The following DGKI variants were observed in gnomAD, a reference collection of about 807,000 sequenced individuals.
DGKI encodes the protein DAG kinase iota.
In DGKI, 55 loss-of-function variants were observed where a neutral mutation model predicts 147.5. The ratio of observed to expected loss-of-function variants is 0.37; its 90% confidence interval spans 0.30 to 0.47. The LOEUF (loss-of-function observed/expected upper bound fraction) is 0.47. Among genes scored for constraint, DGKI ranks in the 20% least tolerant of loss-of-function variants. The pLI is 1.00. For synonymous variants in DGKI, 469 were observed against 477.1 expected (o/e 0.98, Z 0.22); for missense variants, 1,007 against 1,323.8 (o/e 0.76, Z 3.71).
Position 137,846,161 on chromosome 7 carries a change from T to TCTCTCTCTCTCTCTCTCTCTCTCA in DGKI, c.401+300_401+301insTGAGAGAGAGAGAGAGAGAGAGAG, listed in dbSNP as rs781580130. On this transcript the variant is annotated intron_variant, in intron 1 of 32. Coordinates refer to ENST00000614521, the MANE Select transcript of DGKI (RefSeq NM_001321708.2). The surrounding 1 kb of genome is among the most constrained non-coding windows in gnomAD (Gnocchi z 4.0). ...CTCTCTCTCTCTCTCTCTCTCTCTC[T>TCTCTCTCTCTCTCTCTCTCTCTCA]CACACACACACACACACACACACAC... 9.2e-6 allele frequency among the ~76,000 whole-genome samples: 1 copy of TCTCTCTCTCTCTCTCTCTCTCTCA among 108,182 alleles called. No homozygotes were observed. The highest frequency in any genetic ancestry group is 3.9e-5 in the African/African-American group (1 of 25,930). The allele number at this position is 108,182 out of a possible 152,430, so 71.0% of individuals were successfully genotyped here.
At position 137,746,273 on chromosome 7, in the gene DGKI, T is replaced by C. The variant is rs548554215; in HGVS notation, c.402-56271A>G. Reference sequence around the variant, plus strand: ...TGCTTTTGGGTGATGGAGCTGGACCTAGAATATCAAGAGAGAGGTAAAGCC... The same window carrying C: ...TGCTTTTGGGTGATGGAGCTGGACCCAGAATATCAAGAGAGAGGTAAAGCC... On this transcript the variant is annotated intron_variant, in intron 1 of 32. Transcript: ENST00000614521. 3.3e-5 allele frequency among the ~76,000 whole-genome samples: 5 copies of C among 152,336 alleles called. No homozygotes were observed. In the South Asian group the frequency reaches 6.2e-4, roughly 19 times the overall value.
At chr7:137,663,629 G>A (rs1744792078) in intron 3 of DGKI, among the ~76,000 whole-genome samples, 1 of 152,110 alleles carries the variant, frequency 6.6e-6, no homozygotes, top group African/African-American at 2.4e-5. Context: ...GTGTGTCTGG[G>A]GGTTGCTGGC....
rs189119924 is a variant in DGKI at position 137,430,841 on chromosome 7, G to A, written c.2761+13236C>T. The stretch of plus-strand genomic sequence containing the variant: ...GGGACCTCTAAAATAGGGTCAGGGA[G>A]GAGTGTGTCAGGAATAGCGGGAAAA... On this transcript the variant is annotated intron_variant, in intron 28 of 32. Transcript: ENST00000614521. Among the ~76,000 whole-genome samples the A allele has an allele frequency of 4.6e-5, 7 of 152,172 alleles. No individual in the cohort carries two copies. The East Asian group carries it at 9.7e-4, about 21-fold the overall frequency.
intron 20 of DGKI, among the ~76,000 whole-genome samples, chr7:137,540,759 CCCCAAAA>C (rs1817664812): frequency 3.1e-5 from 2 of 63,718 alleles, no homozygotes; most frequent in South Asian, 1.3e-3. Context: ...TTAAAAACCC[CCCCAAAA>C]AAAAAAAAAA....
At chr7:137,669,366 T>C (rs1346334694) in intron 3 of DGKI, among the ~76,000 whole-genome samples, 3 of 152,162 alleles carry the variant, frequency 2.0e-5, no homozygotes, top group Admixed American at 1.3e-4. Context: ...TCCATCAAGA[T>C]TGAGTGCCTC....
intron 28 of DGKI, among the ~76,000 whole-genome samples, chr7:137,429,196 A>T (rs1442164880): frequency 6.6e-6 from 1 of 152,088 alleles, no homozygotes; most frequent in African/African-American, 2.4e-5. Flanking sequence ...TACTGGTACC[A>T]AAACAGAGAT....
intron 1 of DGKI, among the ~76,000 whole-genome samples, chr7:137,756,014 A>G (rs1447721517): frequency 6.6e-6 from 1 of 152,218 alleles, no homozygotes; most frequent in African/African-American, 2.4e-5. Flanking sequence ...CCAGACATTC[A>G]ACAAACACGT....
At chr7:137,725,602 T>TA (rs34222832) in intron 1 of DGKI, among the ~76,000 whole-genome samples, 69,863 of 147,434 alleles carry the variant, frequency 0.47, 17,682 homozygotes, top group African/African-American at 0.68. Flanking sequence ...TTGTTTTCTT[T>TA]AAAAAAAAAA....
chr7:137,536,474 G>T (rs1306016342), intron 20 of DGKI, among the ~76,000 whole-genome samples: 1 of 152,126 alleles, frequency 6.6e-6, no homozygotes, highest in Non-Finnish European at 1.5e-5. Context: ...CCCCTGCCCA[G>T]TACTCAGAAC....
At chr7:137,743,499 T>C (rs1370780281) in intron 1 of DGKI, among the ~76,000 whole-genome samples, 1 of 152,074 alleles carries the variant, frequency 6.6e-6, no homozygotes, top group Admixed American at 6.6e-5. Flanking sequence ...CATAAAAATA[T>C]ATGTAAACTA....
intron 20 of DGKI, among the ~76,000 whole-genome samples, chr7:137,532,102 A>T (rs528423126): frequency 3.3e-5 from 5 of 152,226 alleles, no homozygotes; most frequent in Non-Finnish European, 7.4e-5. Context: ...GCCAAAATTC[A>T]TGAAGCAATG....
intron 1 of DGKI, among the ~76,000 whole-genome samples, chr7:137,760,649 G>C (rs1795830003): frequency 6.6e-6 from 1 of 152,190 alleles, no homozygotes; most frequent in South Asian, 2.1e-4. Flanking sequence ...AGGAGAAAGG[G>C]AGAGAGGAGA....
At position 137,817,225 on chromosome 7, in the gene DGKI, T is replaced by A. The variant is rs992350394; in HGVS notation, c.401+29237A>T. ...TCTTCAGCTGAACAATTCCCCATCA[T>A]CCTTTCATCAATTCGATTCAAAGTG... On this transcript the variant is annotated intron_variant, in intron 1 of 32. Coordinates refer to ENST00000614521, the MANE Select transcript of DGKI (RefSeq NM_001321708.2). Among the ~76,000 whole-genome samples the A allele has an allele frequency of 3.3e-5, 5 of 152,208 alleles. No individual in the cohort carries two copies. The East Asian group carries it at 9.7e-4, about 29-fold the overall frequency.
At chr7:137,830,462 G>A (rs1435130338) in intron 1 of DGKI, among the ~76,000 whole-genome samples, 4 of 152,212 alleles carry the variant, frequency 2.6e-5, no homozygotes, top group African/African-American at 7.2e-5. Flanking sequence ...CTTGAAACCT[G>A]TTTCTAATTT....
chr7:137,616,177 C>T (rs563017883), intron 8 of DGKI, among the ~76,000 whole-genome samples: 1 of 152,260 alleles, frequency 6.6e-6, no homozygotes, highest in East Asian at 1.9e-4. Context: ...CCATCTCAAA[C>T]TATTTAATAA....
chr7:137,640,739 G>A (rs1347083757), intron 6 of DGKI, among the ~76,000 whole-genome samples: 2 of 152,052 alleles, frequency 1.3e-5, no homozygotes, highest in African/African-American at 2.4e-5. Flanking sequence ...CCATGAACTA[G>A]TTTTAAACAC....
At chr7:137,632,702 C>CA (rs1157392446) in intron 6 of DGKI, among the ~76,000 whole-genome samples, 1 of 151,634 alleles carries the variant, frequency 6.6e-6, no homozygotes, top group Non-Finnish European at 1.5e-5. Flanking sequence ...ACTAAAAATA[C>CA]AAAAAAATTA....
At chr7:137,742,984 T>C (rs1795223464) in intron 1 of DGKI, among the ~76,000 whole-genome samples, 2 of 152,196 alleles carry the variant, frequency 1.3e-5, no homozygotes, top group South Asian at 4.1e-4. Flanking sequence ...TCGCTAATCT[T>C]GAGTCACATA....
intron 1 of DGKI, among the ~76,000 whole-genome samples, chr7:137,732,730 C>T (rs1794918973): frequency 6.6e-6 from 1 of 152,030 alleles, no homozygotes; most frequent in Non-Finnish European, 1.5e-5. Context: ...TCCTTCCTCC[C>T]TTCCCCCAGC....
Sources: allele counts gnomAD v4.1 joint callset (sites outside exome capture counted in the v4.1 genomes callset), GRCh38; gene constraint gnomAD v4.1.1; non-coding constraint Gnocchi (gnomAD v3.1); transcripts MANE v1.5; gene names NCBI Gene and HGNC (gene_info 2026-07-23, HGNC 2026-07-21).